LRMDA: variants seen among roughly 807,000 people sequenced by gnomAD.
LRMDA encodes leucine rich melanocyte differentiation associated, also known as leucine-rich melanocyte differentiation-associated protein.
A neutral mutation model predicts 29.8 loss-of-function variants in LRMDA; 18 were observed. The observed-to-expected ratio is 0.60, with a 90% CI of 0.42 to 0.90. The LOEUF (loss-of-function observed/expected upper bound fraction) is 0.90. Ranked by LOEUF, LRMDA falls within the 40% of genes least tolerant of loss-of-function variation. The pLI, the probability that LRMDA is intolerant of heterozygous loss-of-function variation, is 0.00. For synonymous variants in LRMDA, 125 were observed against 109.4 expected, an observed-to-expected ratio of 1.14 and a Z score of -0.89; for missense variants, 273 against 273.9, an observed-to-expected ratio of 1.00 and a Z score of 0.02.
At chr10:75,654,248 G>A (rs575036423) in intron 2 of LRMDA, among the ~76,000 whole-genome samples, 1 of 152,294 alleles carries the variant, frequency 6.6e-6, no homozygotes, top group South Asian at 2.1e-4. Context: ...GTATGACTGT[G>A]GGTAGGTGTC....
chr10:76,165,711 A>T (rs1253429204), intron 5 of LRMDA, among the ~76,000 whole-genome samples: 1 of 152,184 alleles, frequency 6.6e-6, no homozygotes, highest in Non-Finnish European at 1.5e-5. Flanking sequence ...AAGGAGGGGA[A>T]TAGCCCCTTA....
chr10:75,853,832 T>C (rs998746818), intron 2 of LRMDA, among the ~76,000 whole-genome samples: 5 of 152,194 alleles, frequency 3.3e-5, no homozygotes, highest in Non-Finnish European at 5.9e-5. Flanking sequence ...TCCCAGCTAC[T>C]GGGCCTCCCC....
Position 75,835,953 on chromosome 10 carries a change from T to G in LRMDA, c.132-200055T>G, listed in dbSNP as rs539486906. Among the ~76,000 whole-genome samples the G allele has an allele frequency of 6.6e-5, 10 of 152,322 alleles. No individual in the cohort carries two copies. In the South Asian group the frequency reaches 2.1e-3, roughly 32 times the overall value. The stretch of plus-strand genomic sequence containing the variant: ...TGTTCTTGCCAGATTATGGGCCTTT[T>G]ACATACAGTAGATGCTCATCAAACT... On this transcript the variant is annotated intron_variant, in intron 2 of 6. Transcript: ENST00000611255.
intron 5 of LRMDA, among the ~76,000 whole-genome samples, chr10:76,110,753 C>T (rs971648045): frequency 1.3e-5 from 2 of 152,212 alleles, no homozygotes; most frequent in Admixed American, 1.3e-4. Flanking sequence ...CACCATGATT[C>T]TGAGGCCTCC....
At chr10:76,113,039 G>T (rs1849607341) in intron 5 of LRMDA, among the ~76,000 whole-genome samples, 1 of 152,152 alleles carries the variant, frequency 6.6e-6, no homozygotes, top group Non-Finnish European at 1.5e-5. Context: ...CTTAATCCAG[G>T]CCTTTTCCCT....
intron 6 of LRMDA, among the ~76,000 whole-genome samples, chr10:76,541,953 A>C (rs964324634): frequency 1.3e-5 from 2 of 152,204 alleles, no homozygotes; most frequent in Non-Finnish European, 2.9e-5. Flanking sequence ...TTGCTAAATA[A>C]TATAGTAATT....
At chr10:75,875,825 T>C (rs758082228) in intron 2 of LRMDA, among the ~76,000 whole-genome samples, 1 of 152,248 alleles carries the variant, frequency 6.6e-6, no homozygotes, top group Non-Finnish European at 1.5e-5. Context: ...AAAGCAGTGA[T>C]TGGACTCTGT....
intron 2 of LRMDA, among the ~76,000 whole-genome samples, chr10:75,786,080 C>T (rs567386261): frequency 1.1e-4 from 17 of 152,292 alleles, no homozygotes; most frequent in African/African-American, 2.6e-4. Context: ...TCACTGCATG[C>T]GATATGCTGG....
intron 2 of LRMDA, among the ~76,000 whole-genome samples, chr10:75,839,858 G>T (rs981106892): frequency 6.6e-6 from 1 of 151,808 alleles, no homozygotes; most frequent in Non-Finnish European, 1.5e-5. Flanking sequence ...ACAGGCGCCC[G>T]CCACCGCGCC....
chr10:75,757,942 G>T (rs1436203770), intron 2 of LRMDA, among the ~76,000 whole-genome samples: 2 of 151,994 alleles, frequency 1.3e-5, no homozygotes, highest in African/African-American at 4.8e-5. Context: ...TGGAATTACA[G>T]ACATATGTCA....
At chr10:75,691,009 A>G in intron 2 of LRMDA, among the ~76,000 whole-genome samples, 1 of 141,504 alleles carries the variant, frequency 7.1e-6, no homozygotes. Flanking sequence ...ACACACACAC[A>G]CACACACACA....
chr10:76,467,346 T>G (rs967033895), intron 6 of LRMDA, among the ~76,000 whole-genome samples: 1 of 152,140 alleles, frequency 6.6e-6, no homozygotes, highest in African/African-American at 2.4e-5. Context: ...TGAAAGCATT[T>G]AAAGGTGAGG....
At chr10:76,393,377 T>G (rs1841746180) in intron 6 of LRMDA, among the ~76,000 whole-genome samples, 1 of 152,182 alleles carries the variant, frequency 6.6e-6, no homozygotes, top group South Asian at 2.1e-4. Flanking sequence ...TGTGAAGTGA[T>G]ATCTCATTTT....
chr10:75,769,277 A>C lies in LRMDA; in HGVS notation c.132-266731A>C, dbSNP rs115720278. Among the ~76,000 whole-genome samples, 1,485 of 152,340 alleles carry C rather than the reference A, an allele frequency of 9.7e-3. 32 individuals are homozygous for C. The highest frequency in any genetic ancestry group is 0.034 in the African/African-American group (1,414 of 41,562). The stretch of plus-strand genomic sequence containing the variant: ...ATGATACTATCACTTGGGTTGCCAC[A>C]AGAAAAATCTTCCAAATCTGAGAAT... On this transcript the variant is annotated intron_variant, in intron 2 of 6. Coordinates refer to ENST00000611255, the MANE Select transcript of LRMDA (RefSeq NM_001305581.2).
At chr10:76,527,707 G>C (rs1297621745) in intron 6 of LRMDA, among the ~76,000 whole-genome samples, 1 of 152,150 alleles carries the variant, frequency 6.6e-6, no homozygotes, top group African/African-American at 2.4e-5. Flanking sequence ...AAAAAGCTCA[G>C]TGTTAGCTAT....
intron 2 of LRMDA, among the ~76,000 whole-genome samples, chr10:75,991,264 T>A (rs548911585): frequency 1.3e-5 from 2 of 152,290 alleles, no homozygotes; most frequent in African/African-American, 4.8e-5. Flanking sequence ...AGAATGGGTA[T>A]GAAATGACCT....
At position 76,495,823 on chromosome 10, in the gene LRMDA, A is replaced by AC. The variant is rs1262948173; in HGVS notation, c.602-61386_602-61385insC. ...GATTCCACCTGTCCATTTTCAGTAT[A>AC]TAGAAAATGCAATTGATTTGTTTGT... is the stretch of plus-strand genomic sequence containing the variant. On this transcript the variant is annotated intron_variant, in intron 6 of 6. Coordinates refer to ENST00000611255, the MANE Select transcript of LRMDA (RefSeq NM_001305581.2). 2.9e-3 allele frequency among the ~76,000 whole-genome samples: 232 copies of AC among 80,370 alleles called. 18 individuals are homozygous for AC. Among genetic ancestry groups the AC allele is most frequent in the South Asian group, 5.1e-3 (16 of 3,154 alleles). 52.7% of individuals were successfully genotyped at this position (80,370 alleles called of 152,430 possible).
At chr10:76,030,615 C>A (rs1407257799) in intron 2 of LRMDA, among the ~76,000 whole-genome samples, 1 of 152,102 alleles carries the variant, frequency 6.6e-6, no homozygotes, top group Admixed American at 6.5e-5. Flanking sequence ...ATGGTGAAAC[C>A]CTGTCTCTAC....
In LRMDA at chr10:75,728,255, A is replaced by G. The variant is rs148338077; in HGVS notation, c.131+289761A>G. On this transcript the variant is annotated intron_variant, in intron 2 of 6. Coordinates refer to ENST00000611255, the MANE Select transcript of LRMDA (RefSeq NM_001305581.2). The stretch of plus-strand genomic sequence containing the variant: ...CTAAACACACAGCATCTCTAGCTAC[A>G]GTAGAAAAGTGATCCCCAAATAACA... Among the ~76,000 whole-genome samples the G allele has an allele frequency of 5.0e-3, 759 of 152,314 alleles. 8 individuals carry two copies. Among genetic ancestry groups the G allele is most frequent in the African/African-American group, 0.017 (714 of 41,572 alleles).
Sources: gnomAD v4.1 joint callset for allele counts (sites outside exome capture counted in the v4.1 genomes callset) on GRCh38, gnomAD v4.1.1 for gene constraint, MANE v1.5 for transcripts, NCBI Gene and HGNC (gene_info 2026-07-23, HGNC 2026-07-21) for gene names.